FARS2: variants seen among roughly 807,000 people sequenced by gnomAD.
The protein encoded by FARS2 is phenylalanyl-tRNA synthetase 2, mitochondrial, also known as phenylalanine--tRNA ligase, mitochondrial.
Under a neutral mutation model 46.4 loss-of-function variants are expected in FARS2, and 40 were observed. The observed-to-expected ratio is 0.86, with a 90% CI of 0.67 to 1.12. FARS2 has a LOEUF of 1.12. Ranked by LOEUF, FARS2 falls within the 50% of genes most tolerant of loss-of-function variation. FARS2 has a pLI of 0.00. For synonymous variants in FARS2, 234 were observed against 214.9 expected, an observed-to-expected ratio of 1.09 and a Z score of -0.78; for missense variants, 513 against 567.9, an observed-to-expected ratio of 0.90 and a Z score of 0.98.
the FARS2 span, among the ~76,000 whole-genome samples, chr6:5,251,102 T>C: frequency 1.3e-5 from 2 of 152,220 alleles, no homozygotes; most frequent in Non-Finnish European, 2.9e-5. Context: ...GCAACCATAC[T>C]ACAATCTTGT....
intron 6 of FARS2, among the ~76,000 whole-genome samples, chr6:5,618,260 A>G (rs937679159): frequency 1.3e-5 from 2 of 152,138 alleles, no homozygotes; most frequent in Admixed American, 1.3e-4. Flanking sequence ...CTGGGAGATC[A>G]TCCTTCCTTG....
intron 2 of FARS2, among the ~76,000 whole-genome samples, chr6:5,403,693 C>T (rs2432778): frequency 0.37 from 56,655 of 151,812 alleles, 12,223 homozygotes; most frequent in African/African-American, 0.6. Flanking sequence ...TGGCAGCTGA[C>T]TCATTCTTTT....
chr6:5,436,865 C>A (rs1414091961), intron 4 of FARS2, among the ~76,000 whole-genome samples: 1 of 152,164 alleles, frequency 6.6e-6, no homozygotes, highest in Non-Finnish European at 1.5e-5. Context: ...ACTTTGAAAA[C>A]CCTATCTATA....
At chr6:5,432,327 A>AATATATATATATAT (rs71530360) in intron 4 of FARS2, among the ~76,000 whole-genome samples, 1 of 61,094 alleles carries the variant, frequency 1.6e-5, no homozygotes, top group Non-Finnish European at 3.0e-5. Context: ...AAAAAAAAAA[A>AATATATATATATAT]ATATATATAT....
rs1348535938 is a variant in FARS2 at position 5,720,977 on chromosome 6, C to T, written c.1218-50314C>T. 5.9e-5 allele frequency among the ~76,000 whole-genome samples: 9 copies of T among 152,276 alleles called. No individual in the cohort carries two copies. The East Asian group carries it at 1.2e-3, about 20-fold the overall frequency. ...CTGAGGTGAAAAAATTGTTTGAGGCCAGGAGGTCGAGGCTGCAGTGAGCTG... is the reference window on the plus strand; with the variant it reads ...CTGAGGTGAAAAAATTGTTTGAGGCTAGGAGGTCGAGGCTGCAGTGAGCTG... On this transcript the variant is annotated intron_variant, in intron 6 of 6. Transcript: ENST00000274680.
intron 5 of FARS2, among the ~76,000 whole-genome samples, chr6:5,589,891 C>G (rs1398633577): frequency 1.3e-5 from 2 of 152,148 alleles, no homozygotes; most frequent in Non-Finnish European, 2.9e-5. Context: ...AAATGAGCTG[C>G]TATATCCTAG....
intron 2 of FARS2, 110 bp from the exon 3 acceptor site, chr6:5,404,432 C>T: frequency 1.6e-6 from 1 of 627,344 alleles, no homozygotes; most frequent in Non-Finnish European, 2.6e-6. Flanking sequence ...GAGTCTTATT[C>T]CCACATTATA....
At chr6:5,717,322 G>A (rs73362300) in intron 6 of FARS2, among the ~76,000 whole-genome samples, 4,001 of 151,458 alleles carry the variant, frequency 0.026, 164 homozygotes, top group African/African-American at 0.089. Flanking sequence ...TATGAGCCAG[G>A]AACCGTGGAT....
At chr6:5,285,466 A>G (rs1767041383) in intron 1 of FARS2, among the ~76,000 whole-genome samples, 1 of 152,176 alleles carries the variant, frequency 6.6e-6, no homozygotes, top group African/African-American at 2.4e-5. Flanking sequence ...TACCTTTGTG[A>G]GCAAAATGCT....
the FARS2 span, among the ~76,000 whole-genome samples, chr6:5,253,775 C>T: frequency 6.6e-4 from 99 of 149,562 alleles, 2 homozygotes; most frequent in African/African-American, 2.4e-3. Context: ...GATGGTCGTT[C>T]GATCTGAAGC....
chr6:5,495,501 G>A (rs1376406104), intron 4 of FARS2, among the ~76,000 whole-genome samples: 2 of 152,178 alleles, frequency 1.3e-5, no homozygotes, highest in African/African-American at 2.4e-5. Context: ...TGCTTCTGGG[G>A]TCTAGTCTAA....
intron 6 of FARS2, among the ~76,000 whole-genome samples, chr6:5,753,408 G>T (rs752841219): frequency 6.6e-6 from 1 of 152,152 alleles, no homozygotes; most frequent in Admixed American, 6.5e-5. Context: ...AGATCCCTCT[G>T]CAGCTTTCTC....
At chr6:5,253,047 T>TA in the FARS2 span, among the ~76,000 whole-genome samples, 1 of 152,342 alleles carries the variant, frequency 6.6e-6, no homozygotes, top group African/African-American at 2.4e-5. Flanking sequence ...ACTTCATTGA[T>TA]AAACTTCTTT....
chr6:5,603,059 A>G (rs1475179309), intron 5 of FARS2, among the ~76,000 whole-genome samples: 1 of 152,078 alleles, frequency 6.6e-6, no homozygotes, highest in African/African-American at 2.4e-5. Flanking sequence ...GGCCTGACCG[A>G]TTTCGGCTGG....
At chr6:5,662,809 G>A (rs557577366) in intron 6 of FARS2, among the ~76,000 whole-genome samples, 54 of 152,240 alleles carry the variant, frequency 3.5e-4, no homozygotes, top group Non-Finnish European at 6.6e-4. Context: ...CTTGCTGGCC[G>A]TGTGTGACCA....
chr6:5,510,023 G>A (rs1768338242), intron 4 of FARS2, among the ~76,000 whole-genome samples: 1 of 152,178 alleles, frequency 6.6e-6, no homozygotes. Context: ...GTGTTGGGCT[G>A]GGGATTAAGG....
intron 4 of FARS2, among the ~76,000 whole-genome samples, chr6:5,444,179 T>G (rs1160104625): frequency 6.6e-6 from 1 of 151,694 alleles, no homozygotes; most frequent in African/African-American, 2.4e-5. Flanking sequence ...TTTTAAAATT[T>G]TAGCGCAGGC....
chr6:5,402,734 C>A (rs886790869), intron 2 of FARS2, among the ~76,000 whole-genome samples: 2 of 152,098 alleles, frequency 1.3e-5, no homozygotes, highest in Non-Finnish European at 2.9e-5. Context: ...TGTATTAACT[C>A]CTTTTTCTTT....
chr6:5,727,898 G>T lies in FARS2; in HGVS notation c.1218-43393G>T, dbSNP rs112166862. On this transcript the variant is annotated intron_variant, in intron 6 of 6. Transcript: ENST00000274680. The surrounding 1 kb of genome is among the most constrained non-coding windows in gnomAD (Gnocchi z 4.1). The stretch of plus-strand genomic sequence containing the variant: ...CCTGCCTCAAGGCAAAGGTTGAGTT[G>T]CCCGTGCAGCTGGGAGGGCCACCAG... Among the ~76,000 whole-genome samples the T allele has an allele frequency of 1.2e-3, 181 of 152,330 alleles. No homozygotes were observed. Among genetic ancestry groups the T allele is most frequent in the African/African-American group, 4.2e-3 (176 of 41,576 alleles).
Sources: gnomAD v4.1 joint callset for allele counts (sites outside exome capture counted in the v4.1 genomes callset) on GRCh38, gnomAD v4.1.1 for gene constraint, Gnocchi (gnomAD v3.1) non-coding constraint, MANE v1.5 for transcripts, NCBI Gene and HGNC (gene_info 2026-07-23, HGNC 2026-07-21) for gene names.